Variants in SMAP2 observed in about 807,000 individuals in gnomAD.
The protein encoded by SMAP2 is small ArfGAP2.
A neutral mutation model predicts 56.4 loss-of-function variants in SMAP2; 25 were observed. That is an observed-to-expected ratio of 0.44 (90% CI 0.32 to 0.62). The LOEUF (loss-of-function observed/expected upper bound fraction) is 0.62, where lower values mean the gene tolerates loss of function less well. SMAP2 is among the 20% of genes least tolerant of loss of function. The pLI, the probability that SMAP2 is intolerant of heterozygous loss-of-function variation, is 0.04. For missense variants in SMAP2, 388 were observed against 545.6 expected (o/e 0.71, Z 2.88); for synonymous variants, 157 against 181.7 (o/e 0.86, Z 1.09).
chr1:40,356,349 C>T (rs987871523), intron 1 of SMAP2, among the ~76,000 whole-genome samples: 2 of 151,860 alleles, frequency 1.3e-5, no homozygotes, highest in Non-Finnish European at 2.9e-5. Flanking sequence ...ATACACCTTG[C>T]AATGGGATTG....
At chr1:40,379,863 G>A (rs983733356) in intron 1 of SMAP2, among the ~76,000 whole-genome samples, 9 of 152,122 alleles carry the variant, frequency 5.9e-5, no homozygotes, top group African/African-American at 2.2e-4. Flanking sequence ...ATCTTAGAAA[G>A]TGTCCTAGGC....
At chr1:40,421,721 A>G (rs1257108909) in intron 9 of SMAP2, among the ~76,000 whole-genome samples, 1 of 152,214 alleles carries the variant, frequency 6.6e-6, no homozygotes, top group African/African-American at 2.4e-5. Flanking sequence ...TCTGTCGACT[A>G]GATCCAGATG....
At chr1:40,411,992 A>G (rs1271361281) in intron 4 of SMAP2, among the ~76,000 whole-genome samples, 1 of 152,092 alleles carries the variant, frequency 6.6e-6, no homozygotes, top group Non-Finnish European at 1.5e-5. Flanking sequence ...TCCACTTAAC[A>G]TATATTTCTG....
intron 2 of SMAP2, chr1:40,362,469 C>CT (rs1248281134): frequency 6.6e-5 from 10 of 152,156 alleles, no homozygotes; most frequent in Non-Finnish European, 1.5e-4. Context: ...AACACTGCCT[C>CT]TAGAATAGTA....
At chr1:40,373,153 G>A (rs1459148574), upstream of SMAP2, among the ~76,000 whole-genome samples, 5 of 152,166 alleles carry the variant, frequency 3.3e-5, no homozygotes, top group African/African-American at 1.2e-4. Flanking sequence ...TGGGCACCAG[G>A]CCAAACAATA....
chr1:40,384,835 C>A (rs1043762478), intron 1 of SMAP2, among the ~76,000 whole-genome samples: 1 of 152,206 alleles, frequency 6.6e-6, no homozygotes, highest in Non-Finnish European at 1.5e-5. Context: ...TCCCAGAGTA[C>A]CAGTTCTTTT....
At chr1:40,372,116 A>G (rs887992165), upstream of SMAP2, among the ~76,000 whole-genome samples, 1 of 152,230 alleles carries the variant, frequency 6.6e-6, no homozygotes, top group African/African-American at 2.4e-5. Flanking sequence ...TGAGTCCATC[A>G]GAATTGGCAT....
Position 40,388,635 on chromosome 1 carries a change from A to G in SMAP2, c.103+14412A>G, listed in dbSNP as rs539858364. Among the ~76,000 whole-genome samples, 7 of 152,264 alleles carry G rather than the reference A, an allele frequency of 4.6e-5. No individual in the cohort carries two copies. In the South Asian group the frequency reaches 1.2e-3, roughly 27 times the overall value. On this transcript the variant is annotated intron_variant, in intron 1 of 9. Coordinates refer to ENST00000372718, the MANE Select transcript of SMAP2 (RefSeq NM_022733.3). ...TAGCTCAGGGATTGTAAACGCACCA[A>G]TCAGCACCCTGTCAAAACAGACCGC... is the stretch of plus-strand genomic sequence containing the variant.
intron 9 of SMAP2, among the ~76,000 whole-genome samples, chr1:40,418,415 C>T (rs1435792344): frequency 6.6e-6 from 1 of 152,088 alleles, no homozygotes; most frequent in African/African-American, 2.4e-5. Context: ...AGAAAACTTA[C>T]ATATATTTGG....
At chr1:40,373,162 T>C (rs756510190), upstream of SMAP2, among the ~76,000 whole-genome samples, 1 of 152,076 alleles carries the variant, frequency 6.6e-6, no homozygotes. Context: ...GGCCAAACAA[T>C]ATCCAAAAAG....
intron 4 of SMAP2, among the ~76,000 whole-genome samples, chr1:40,410,078 AC>A (rs1210095304): frequency 6.6e-6 from 1 of 151,854 alleles, no homozygotes; most frequent in African/African-American, 2.4e-5. Flanking sequence ...CCCCATCTCT[AC>A]AAAAAATTTA....
At chr1:40,392,850 A>T in intron 1 of SMAP2, among the ~76,000 whole-genome samples, 1 of 152,182 alleles carries the variant, frequency 6.6e-6, no homozygotes, top group East Asian at 1.9e-4. Context: ...CTGTAATCGC[A>T]GCACGTTGGG....
rs115128043 is a variant in SMAP2, at chr1:40,421,818, G to T, written c.1165-158G>T. ...TCATTCACGTACGTGGCCTTGAAAT[G>T]ATCTGACTGCTAAGGTCCAGGGTTT... On this transcript the variant is annotated intron_variant, in intron 9 of 9. Coordinates refer to ENST00000372718, the MANE Select transcript of SMAP2 (RefSeq NM_022733.3). Among the ~76,000 whole-genome samples, 253 of 152,272 alleles carry T rather than the reference G, an allele frequency of 1.7e-3. 1 individual carries two copies. Among genetic ancestry groups the T allele is most frequent in the African/African-American group, 5.8e-3 (240 of 41,536 alleles).
At chr1:40,358,548 CA>C (rs1644446800) in intron 1 of SMAP2, among the ~76,000 whole-genome samples, 1 of 151,888 alleles carries the variant, frequency 6.6e-6, no homozygotes, top group Non-Finnish European at 1.5e-5. Context: ...CATCTCAAAA[CA>C]AAACAAAACA....
chr1:40,349,855 T>C (rs1644403194), intron 1 of SMAP2, among the ~76,000 whole-genome samples: 2 of 152,176 alleles, frequency 1.3e-5, no homozygotes, highest in African/African-American at 4.8e-5. Context: ...GCATCAGTGT[T>C]CCATTCCTTC....
At position 40,415,390 on chromosome 1, in the gene SMAP2, T is replaced by C; in HGVS notation, c.681+9T>C. On this transcript the variant is annotated intron_variant, in intron 7 of 9. Coordinates refer to ENST00000372718, the MANE Select transcript of SMAP2 (RefSeq NM_022733.3). ...CTTCCGGTTCCAGAAAGGTGAGTCT[T>C]GTGGGCTCCTCAGGATTAAAGAACA... is the stretch of plus-strand genomic sequence containing the variant. 6.5e-7 allele frequency: 1 copy of C among 1,534,858 alleles called. No individual in the cohort carries two copies. Among genetic ancestry groups the C allele is most frequent in the Non-Finnish European group, 9.0e-7 (1 of 1,108,152 alleles).
chr1:40,383,382 A>C (rs1348965557), intron 1 of SMAP2, among the ~76,000 whole-genome samples: 1 of 152,188 alleles, frequency 6.6e-6, no homozygotes, highest in Non-Finnish European at 1.5e-5. Context: ...ATCAGTTGGC[A>C]AAGGGAGCCT....
chr1:40,347,668 T>C (rs1644394758), intron 1 of SMAP2, among the ~76,000 whole-genome samples: 1 of 152,198 alleles, frequency 6.6e-6, no homozygotes, highest in South Asian at 2.1e-4. Flanking sequence ...GTACCTGGCC[T>C]GTCTTCAGAT....
intron 1 of SMAP2, chr1:40,396,758 G>A: frequency 3.9e-6 from 3 of 761,874 alleles, no homozygotes; most frequent in Non-Finnish European, 4.8e-6. Flanking sequence ...TCTCTTTTGT[G>A]TGGATGAAAA....
Sources: gnomAD v4.1 joint callset for allele counts (sites outside exome capture counted in the v4.1 genomes callset) on GRCh38, gnomAD v4.1.1 for gene constraint, MANE v1.5 for transcripts, NCBI Gene and HGNC (gene_info 2026-07-23, HGNC 2026-07-21) for gene names.